EWSR1: variants seen among roughly 807,000 people sequenced by gnomAD.
EWSR1 encodes EWS RNA binding protein 1, also known as RNA-binding protein EWS.
EWSR1 carries 14 observed loss-of-function variants against 92.1 expected under a neutral mutation model. That is an observed-to-expected ratio of 0.15 (90% CI 0.10 to 0.24). The LOEUF is 0.24. EWSR1 is among the 10% of genes least tolerant of loss of function. The pLI, the probability that EWSR1 is intolerant of heterozygous loss-of-function variation, is 1.00. For missense variants in EWSR1, 637 were observed against 870.9 expected (o/e 0.73, Z 3.38); for synonymous variants, 303 against 292.9 (o/e 1.03, Z -0.35).
Position 29,299,606 on chromosome 22 carries a change from T to C in EWSR1, c.1686T>C (p.Asp562=). The C allele has an allele frequency of 6.3e-7, 1 of 1,598,408 alleles. No homozygotes were observed. The highest frequency in any genetic ancestry group is 2.2e-5 in the East Asian group (1 of 44,634). Residue 562 remains aspartate (D), a synonymous_variant, in exon 16 of 17, where the codon GAT becomes GAC. Transcript: ENST00000397938. ...CTGCTATTCTCACCTTAGGTGGTGA[T>C]CGTGGCAGAGGTGGCCCTGGTGGCA... ...LPPPFPPPGG[D]RGRGGPGGMR...
chr22:29,271,309 A>G (rs1431784248), intron 1 of EWSR1, among the ~76,000 whole-genome samples: 1 of 152,232 alleles, frequency 6.6e-6, no homozygotes, highest in Admixed American at 6.5e-5. Flanking sequence ...ACTTTAATGC[A>G]GTAGCGCTCT....
At chr22:29,282,351 A>G (rs1267439219) in intron 5 of EWSR1, 39 bp from the exon 6 acceptor site, 5 of 1,501,422 alleles carry the variant, frequency 3.3e-6, no homozygotes, top group Admixed American at 2.6e-5. Context: ...CACACAAAAA[A>G]AGTCACTTTT....
intron 1 of EWSR1, among the ~76,000 whole-genome samples, chr22:29,268,806 G>T (rs1351926011): frequency 6.6e-6 from 1 of 152,246 alleles, no homozygotes; most frequent in Non-Finnish European, 1.5e-5. Context: ...GAAACCAGGG[G>T]AAAAAGCAAA....
intron 4 of EWSR1, chr22:29,277,161 A>G (rs1367325030): frequency 2.7e-5 from 6 of 225,726 alleles, no homozygotes; most frequent in African/African-American, 8.9e-5. Flanking sequence ...TACCTGTGAA[A>G]CCAGGTTTTT....
rs149180222 is a variant in EWSR1 at position 29,286,989 on chromosome 22, A to C, written c.648A>C (p.Gln216His). Residue 216 changes from glutamine (Q) to histidine (H), a missense_variant, in exon 7 of 17, where the codon CAA (glutamine) becomes CAC (histidine). Around this residue, in one of 5 missense-constraint regions of EWSR1, gnomAD observed 116 missense variants for 167.8 expected, o/e 0.69. Coordinates refer to ENST00000397938, the MANE Select transcript of EWSR1 (RefSeq NM_005243.4). ...SSYSQQNTYG[Q>H]PSSYGQQSSY... ...ACTCTCAGCAGAACACCTATGGGCA[A>C]CCGAGCAGCTATGGACAGCAGAGTA... 6.2e-7 allele frequency: 1 copy of C among 1,613,854 alleles called. No individual in the cohort carries two copies. The highest frequency in any genetic ancestry group is 1.7e-5 in the Admixed American group (1 of 59,990).
chr22:29,274,472 G>A, intron 4 of EWSR1: 1 of 553,912 alleles, frequency 1.8e-6, no homozygotes, highest in South Asian at 2.9e-5. Flanking sequence ...TATGATTTTG[G>A]GAAAGGTTTT....
chr22:29,299,896 G>GAGGACAGCCCTT (rs2061207594), intron 16 of EWSR1, 45 bp downstream of exon 16: 1 of 1,533,302 alleles, frequency 6.5e-7, no homozygotes, highest in Admixed American at 2.1e-5. Flanking sequence ...GGCACAGTAA[G>GAGGACAGCCCTT]AGGACAGCCC....
At chr22:29,272,165 C>T (rs765446727) in intron 1 of EWSR1, 51 bp from the exon 2 acceptor site, 8 of 1,544,462 alleles carry the variant, frequency 5.2e-6, no homozygotes, top group African/African-American at 4.1e-5. Context: ...TTTTTCTCTT[C>T]TCCTTGTTTC....
chr22:29,295,917 CT>C (rs2060824003), intron 11 of EWSR1: 1 of 302,314 alleles, frequency 3.3e-6, no homozygotes, highest in African/African-American at 2.1e-5. Context: ...CTGACTACCC[CT>C]ACGAGGTGGC....
chr22:29,287,505 G>A (rs1004796616), intron 7 of EWSR1, among the ~76,000 whole-genome samples: 9 of 152,210 alleles, frequency 5.9e-5, no homozygotes, highest in African/African-American at 1.9e-4. Flanking sequence ...ACTGCGCCCA[G>A]CCACGTTTGG....
intron 1 of EWSR1, among the ~76,000 whole-genome samples, 197 bp downstream of exon 1, chr22:29,268,546 C>T (rs915733462): frequency 3.9e-5 from 6 of 152,192 alleles, no homozygotes; most frequent in African/African-American, 1.4e-4. Context: ...TGGAATCTTC[C>T]GGCGCCCGTG....
At position 29,282,314 on chromosome 22, in the gene EWSR1, T is replaced by C. The variant is rs1187270606; in HGVS notation, c.414-76T>C. 7 of 1,193,980 alleles carry C rather than the reference T, an allele frequency of 5.9e-6. No individual in the cohort carries two copies. In the African/African-American group the frequency reaches 7.9e-5, roughly 13 times the overall value. The allele number at this position is 1,193,980 out of a possible 1,614,324, so 74.0% of individuals were successfully genotyped here. ...ATTGCTCGTAGCTTTGTAGCATTCT[T>C]ACCCAGGAGTTTTGTGGTTGACCAA... is the stretch of plus-strand genomic sequence containing the variant. On this transcript the variant is annotated intron_variant, in intron 5 of 16. Coordinates refer to ENST00000397938, the MANE Select transcript of EWSR1 (RefSeq NM_005243.4).
intron 4 of EWSR1, 116 bp downstream of exon 4, chr22:29,273,980 C>T (rs1221236392): frequency 9.0e-6 from 12 of 1,340,354 alleles, no homozygotes; most frequent in African/African-American, 2.9e-5. Flanking sequence ...TCTGGGGAAT[C>T]CTTTATTCTT....
At position 29,287,691 on chromosome 22, in the gene EWSR1, A is replaced by G. The variant is rs1388399654; in HGVS notation, c.793+557A>G. On this transcript the variant is annotated intron_variant, in intron 7 of 16. Coordinates refer to ENST00000397938, the MANE Select transcript of EWSR1 (RefSeq NM_005243.4). The stretch of plus-strand genomic sequence containing the variant: ...AAAAGAAAAGAGATACTAATTGATC[A>G]GAAAAAATGTTTTAGACTGCTAGCC... Among the ~76,000 whole-genome samples, 3 of 152,252 alleles carry G rather than the reference A, an allele frequency of 2.0e-5. No individual in the cohort carries two copies. In the East Asian group the frequency reaches 5.8e-4, roughly 29 times the overall value.
Position 29,290,261 on chromosome 22 carries a change from T to A in EWSR1, c.975-1301T>A. 3 of 613,586 alleles carry A rather than the reference T, an allele frequency of 4.9e-6. No homozygotes were observed. The South Asian group carries it at 8.2e-5, about 17-fold the overall frequency. The allele number at this position is 613,586 out of a possible 1,614,324, so 38.0% of individuals were successfully genotyped here. ...TTTCCCTCGTTGCCCCCCTTTTTAT[T>A]GTGGTGTGGTGATGGTTTTCAGTGT... is the stretch of plus-strand genomic sequence containing the variant. On this transcript the variant is annotated intron_variant, in intron 8 of 16. Coordinates refer to ENST00000397938, the MANE Select transcript of EWSR1 (RefSeq NM_005243.4).
At position 29,292,471 on chromosome 22, in the gene EWSR1, CTTG is replaced by C. The variant is rs72547476; in HGVS notation, c.1046-12_1046-10del. On this transcript the variant is annotated splice_polypyrimidine_tract_variant and intron_variant, in intron 10 of 16. Transcript: ENST00000397938. ...AGATACATGATAATAATTCTCCTGT[CTTG>C]TTGTCTCTGAAAGGCCCACCTGTAG... 2,260 of 1,523,668 alleles carry C rather than the reference CTTG, an allele frequency of 1.5e-3. 30 individuals are homozygous for C. In the African/African-American group the frequency reaches 0.026, roughly 17 times the overall value. 94.4% of individuals were successfully genotyped at this position (1,523,668 alleles called of 1,614,324 possible).
At chr22:29,268,805 G>A (rs373689866) in intron 1 of EWSR1, among the ~76,000 whole-genome samples, 11 of 152,234 alleles carry the variant, frequency 7.2e-5, no homozygotes, top group Non-Finnish European at 1.5e-5. Context: ...AGAAACCAGG[G>A]GAAAAAGCAA....
At chr22:29,268,462 G>T in intron 1 of EWSR1, 113 bp downstream of exon 1, 1 of 1,576,534 alleles carries the variant, frequency 6.3e-7, no homozygotes, top group Non-Finnish European at 8.7e-7. Context: ...AGAGGGGGTT[G>T]AGGCACCCGC....
Position 29,300,449 on chromosome 22 carries a change from T to TA in EWSR1, c.*288_*289insA, listed in dbSNP as rs2061261288. On this transcript the variant is annotated 3_prime_UTR_variant, in exon 17 of 17. Transcript: ENST00000397938. ...CATTGTGGAGAACCAAGAGGGCCTC[T>TA]TAACTGTAACAATGTTCATGGTTGT... 2.9e-6 allele frequency: 1 copy of TA among 340,056 alleles called. No homozygotes were observed. Among genetic ancestry groups the TA allele is most frequent in the Non-Finnish European group, 5.3e-6 (1 of 188,896 alleles). The allele number at this position is 340,056 out of a possible 1,614,324, so 21.1% of individuals were successfully genotyped here.
Sources: allele counts gnomAD v4.1 joint callset (sites outside exome capture counted in the v4.1 genomes callset), GRCh38; gene constraint gnomAD v4.1.1; regional missense constraint gnomAD v4.1.1; transcripts MANE v1.5; gene names NCBI Gene and HGNC (gene_info 2026-07-23, HGNC 2026-07-21).